SLIT3: variants seen among roughly 807,000 people sequenced by gnomAD.
SLIT3 encodes slit guidance ligand 3, also known as slit homolog 3 protein.
SLIT3 carries 68 observed loss-of-function variants against 184.0 expected under a neutral mutation model. That is an observed-to-expected ratio of 0.37 (90% CI 0.30 to 0.45). SLIT3 has a LOEUF of 0.45. Ranked by LOEUF, SLIT3 falls within the 20% of genes least tolerant of loss-of-function variation. The probability of loss-of-function intolerance (pLI) is 1.00; values close to 1 mark genes in which losing one functional copy is unlikely to be tolerated. For missense variants in SLIT3, 1,707 were observed against 2,026.0 expected, an observed-to-expected ratio of 0.84 and a Z score of 3.02; for synonymous variants, 831 against 828.6, an observed-to-expected ratio of 1.00 and a Z score of -0.05.
At chr5:169,014,843 C>T (rs770374879) in intron 4 of SLIT3, among the ~76,000 whole-genome samples, 1 of 152,114 alleles carries the variant, frequency 6.6e-6, no homozygotes, top group Non-Finnish European at 1.5e-5. Context: ...CTCAGCTACT[C>T]AGGAGGCTGA....
chr5:169,100,821 C>T (rs1759980738), intron 4 of SLIT3, among the ~76,000 whole-genome samples: 1 of 152,190 alleles, frequency 6.6e-6, no homozygotes, highest in Admixed American at 6.5e-5. Context: ...AAGAGGCTGA[C>T]TCATTAGGGT....
At chr5:168,986,012 T>C (rs62378601) in intron 4 of SLIT3, among the ~76,000 whole-genome samples, 3,570 of 152,276 alleles carry the variant, frequency 0.023, 58 homozygotes, top group Non-Finnish European at 0.035. Context: ...AGGCACTTCA[T>C]CATGTAGTAA....
rs562441186 is a variant in SLIT3, at chr5:169,218,686, C to T, written c.342-25136G>A. Among the ~76,000 whole-genome samples, 162 of 152,322 alleles carry T rather than the reference C, an allele frequency of 1.1e-3. 1 individual carries two copies. The highest frequency in any genetic ancestry group is 3.6e-3 in the African/African-American group (151 of 41,582). On this transcript the variant is annotated intron_variant, in intron 3 of 35. Coordinates refer to ENST00000519560, the MANE Select transcript of SLIT3 (RefSeq NM_003062.4). ...GGGGGAGACTTACAGAGCTAACTCA[C>T]TGGGTAGTTCTGAGTCTTACTTAAG...
At chr5:169,070,789 A>G (rs150067018) in intron 4 of SLIT3, among the ~76,000 whole-genome samples, 1 of 120,102 alleles carries the variant, frequency 8.3e-6, no homozygotes, top group Admixed American at 9.1e-5. Context: ...TGCTCTCTAC[A>G]TTTTCCTCAA....
At chr5:169,045,595 T>A (rs1391416291) in intron 4 of SLIT3, among the ~76,000 whole-genome samples, 1 of 152,188 alleles carries the variant, frequency 6.6e-6, no homozygotes, top group Non-Finnish European at 1.5e-5. Context: ...TATGTGTATA[T>A]GAGTATTTAC....
At chr5:169,059,741 C>T (rs1003119833) in intron 4 of SLIT3, among the ~76,000 whole-genome samples, 6 of 152,230 alleles carry the variant, frequency 3.9e-5, no homozygotes, top group East Asian at 1.9e-4. Flanking sequence ...CACGTTGCCA[C>T]GAGGCCCAGC....
intron 23 of SLIT3, chr5:168,712,646 G>A (rs1762595065): frequency 3.0e-6 from 1 of 333,288 alleles, no homozygotes; most frequent in Non-Finnish European, 5.6e-6. Flanking sequence ...TGCTGGATAA[G>A]TTACGTCACT....
At chr5:168,910,757 A>G (rs535884636) in intron 4 of SLIT3, among the ~76,000 whole-genome samples, 215 of 152,066 alleles carry the variant, frequency 1.4e-3, no homozygotes, top group African/African-American at 5.0e-3. Flanking sequence ...AAAAAAAAAA[A>G]AAGAAAAAAG....
intron 4 of SLIT3, among the ~76,000 whole-genome samples, chr5:168,933,708 T>C (rs529909673): frequency 1.3e-5 from 2 of 152,226 alleles, no homozygotes; most frequent in Non-Finnish European, 2.9e-5. Flanking sequence ...GAAGCATTGA[T>C]GTGAGTAAAG....
intron 4 of SLIT3, among the ~76,000 whole-genome samples, chr5:169,129,110 C>T (rs909836401): frequency 3.9e-5 from 6 of 152,172 alleles, no homozygotes; most frequent in African/African-American, 1.4e-4. Context: ...ATTTGCCATA[C>T]TCTGCAAGCA....
chr5:169,082,107 G>A (rs1759087719), intron 4 of SLIT3, among the ~76,000 whole-genome samples: 1 of 152,232 alleles, frequency 6.6e-6, no homozygotes, highest in African/African-American at 2.4e-5. Context: ...TCGGAGAGGT[G>A]TAGGGACATG....
Position 168,685,723 on chromosome 5 carries a change from G to A in SLIT3, c.3519C>T (p.Ser1173=), listed in dbSNP as rs572775797. 26 of 1,580,828 alleles carry A rather than the reference G, an allele frequency of 1.6e-5. No homozygotes were observed. The highest frequency in any genetic ancestry group is 3.4e-4 in the Middle Eastern group (2 of 5,926). Residue 1173 remains serine, a synonymous_variant, in exon 31 of 36, where the codon TCC becomes TCT. Transcript: ENST00000519560. ...TGTTGGCCTGGGGTCGGACCTTGGCGGAGGCCAGTTCCACGTAGGAGTCTT... is the reference window on the plus strand; with the variant it reads ...TGTTGGCCTGGGGTCGGACCTTGGCAGAGGCCAGTTCCACGTAGGAGTCTT... The part of the protein sequence containing the change: ...VGKDSYVELA[S]AKVRPQANIS...
At chr5:169,101,361 C>T (rs977064480) in intron 4 of SLIT3, among the ~76,000 whole-genome samples, 3 of 152,154 alleles carry the variant, frequency 2.0e-5, no homozygotes, top group African/African-American at 7.2e-5. Context: ...CCCTCTAGAC[C>T]TCCCACCATG....
Position 168,749,565 on chromosome 5 carries a change from G to A in SLIT3, c.2044C>T (p.Arg682Trp), listed in dbSNP as rs763753289. The A allele has an allele frequency of 8.7e-6, 14 of 1,614,078 alleles. No homozygotes were observed. The highest frequency in any genetic ancestry group is 1.0e-5 in the Non-Finnish European group (12 of 1,180,038). Reference protein sequence around the residue: ...AWLGKWLRKRRIVSGNPRCQK... With the variant: ...AWLGKWLRKRWIVSGNPRCQK... ...CACCTAGGGTTCCCACTGACGATCCGCCTCTTCCTCAACCACTTGCCGAGC... is the reference window on the plus strand; with the variant it reads ...CACCTAGGGTTCCCACTGACGATCCACCTCTTCCTCAACCACTTGCCGAGC... Residue 682 changes from arginine to tryptophan, a missense_variant, in exon 19 of 36, where the codon CGG (arginine) becomes TGG (tryptophan). By Grantham distance (101) the Arg-to-Trp change is moderately radical (BLOSUM62 -3). Around this residue, in one of 3 missense-constraint regions of SLIT3, gnomAD observed 1,307 missense variants for 1,511.6 expected, o/e 0.86. Transcript: ENST00000519560.
At chr5:169,043,624 C>T (rs972226898) in intron 4 of SLIT3, among the ~76,000 whole-genome samples, 6 of 152,166 alleles carry the variant, frequency 3.9e-5, no homozygotes, top group Non-Finnish European at 8.8e-5. Flanking sequence ...GAGTAGCAGG[C>T]CTTGATGTGA....
At chr5:168,835,108 C>A (rs1416150377) in intron 6 of SLIT3, among the ~76,000 whole-genome samples, 1 of 152,188 alleles carries the variant, frequency 6.6e-6, no homozygotes, top group Non-Finnish European at 1.5e-5. Flanking sequence ...TCCCTCATCA[C>A]AGAAAGTTCT....
Position 168,760,906 on chromosome 5 carries a change from C to T in SLIT3, c.1641G>A (p.Leu547=), listed in dbSNP as rs1755123727. 8 of 1,613,932 alleles carry T rather than the reference C, an allele frequency of 5.0e-6. No homozygotes were observed. Among genetic ancestry groups the T allele is most frequent in the Non-Finnish European group, 5.9e-6 (7 of 1,179,896 alleles). The change falls in exon 16 of 36, where the codon CTG becomes CTA. Residue 547 remains leucine (L), a synonymous_variant. Transcript: ENST00000519560. ...ACTTCTTGAAGATGCCAGTGGCCTCCAGAACAGATACCTCATTGTCATTCA... is the reference window on the plus strand; with the variant it reads ...ACTTCTTGAAGATGCCAGTGGCCTCTAGAACAGATACCTCATTGTCATTCA... ...LRLNDNEVSV[L]EATGIFKKLP...
At chr5:168,668,622 T>G (rs953614462) in intron 35 of SLIT3, among the ~76,000 whole-genome samples, 1 of 152,218 alleles carries the variant, frequency 6.6e-6, no homozygotes, top group Non-Finnish European at 1.5e-5. Flanking sequence ...ACAGGGTCTG[T>G]CTCTGTCACC....
At chr5:169,295,020 A>G (rs1036884320) in intron 1 of SLIT3, among the ~76,000 whole-genome samples, 9 of 152,240 alleles carry the variant, frequency 5.9e-5, no homozygotes, top group Admixed American at 4.6e-4. Flanking sequence ...TGGGTGAGTC[A>G]GTGAGTGAGT....
Sources: gnomAD v4.1 joint callset for allele counts (sites outside exome capture counted in the v4.1 genomes callset) on GRCh38, gnomAD v4.1.1 for gene constraint, gnomAD v4.1.1 regional missense constraint, MANE v1.5 for transcripts, NCBI Gene and HGNC (gene_info 2026-07-23, HGNC 2026-07-21) for gene names.